FOCAD: variants seen among roughly 807,000 people sequenced by gnomAD.
The protein encoded by FOCAD is focadhesin, also known as KIAA1797.
Under a neutral mutation model 225.6 loss-of-function variants are expected in FOCAD, and 198 were observed. The observed-to-expected ratio is 0.88, with a 90% CI of 0.78 to 0.99. FOCAD has a LOEUF of 0.99. Among genes scored for constraint, FOCAD ranks in the 50% least tolerant of loss-of-function variants. The probability of loss-of-function intolerance (pLI) is 0.00; values close to 1 mark genes in which losing one functional copy is unlikely to be tolerated. For missense variants in FOCAD, 2,713 were observed against 2,123.6 expected (o/e 1.28, Z -5.46); for synonymous variants, 897 against 755.0 (o/e 1.19, Z -3.08).
intron 30 of FOCAD, among the ~76,000 whole-genome samples, chr9:20,947,442 TA>T (rs1458640394): frequency 6.6e-6 from 1 of 151,598 alleles, no homozygotes; most frequent in Non-Finnish European, 1.5e-5. Flanking sequence ...CTGCGTAGAG[TA>T]GTCAAAAGCA....
chr9:20,717,764 C>A (rs759704938), intron 2 of FOCAD, 30 bp from the exon 3 acceptor site: 2 of 1,540,400 alleles, frequency 1.3e-6, no homozygotes, highest in Non-Finnish European at 1.8e-6. Flanking sequence ...TTCTAAGGGA[C>A]TGTGTTCATT....
chr9:20,698,171 A>C (rs1218514623), intron 1 of FOCAD, among the ~76,000 whole-genome samples: 1 of 152,232 alleles, frequency 6.6e-6, no homozygotes, highest in Non-Finnish European at 1.5e-5. Context: ...TTTCTTTGTA[A>C]TTTAAAATAA....
At chr9:20,749,861 C>G (rs1828386384) in intron 5 of FOCAD, among the ~76,000 whole-genome samples, 1 of 151,828 alleles carries the variant, frequency 6.6e-6, no homozygotes, top group African/African-American at 2.4e-5. Flanking sequence ...TTTTTTAACC[C>G]CCTCATTTCT....
chr9:20,674,463 C>A (rs1180723697), intron 2 of FOCAD, among the ~76,000 whole-genome samples: 1 of 152,104 alleles, frequency 6.6e-6, no homozygotes, highest in African/African-American at 2.4e-5. Context: ...GTCAGCGCAC[C>A]ACTGGACAAT....
At chr9:20,724,911 G>A (rs890551507) in intron 4 of FOCAD, among the ~76,000 whole-genome samples, 9 of 152,166 alleles carry the variant, frequency 5.9e-5, no homozygotes, top group South Asian at 2.1e-4. Context: ...GCTCATGCCC[G>A]TAATCCCAGC....
chr9:20,907,337 A>AT, intron 22 of FOCAD, 95 bp downstream of exon 22: 1 of 953,492 alleles, frequency 1.0e-6, no homozygotes, highest in South Asian at 1.4e-5. Flanking sequence ...CACTTGGGAA[A>AT]ATAGCACTAC....
chr9:20,883,890 A>C (rs554193922), intron 20 of FOCAD, among the ~76,000 whole-genome samples: 36 of 152,218 alleles, frequency 2.4e-4, no homozygotes, highest in Non-Finnish European at 4.6e-4. Context: ...TTAAAGGATC[A>C]GGGAAGAAAT....
intron 15 of FOCAD, among the ~76,000 whole-genome samples, chr9:20,833,549 G>T (rs1040285165): frequency 1.3e-5 from 2 of 152,096 alleles, no homozygotes; most frequent in African/African-American, 4.8e-5. Context: ...GTGCTAAGTA[G>T]CAGTTAGAAG....
intron 11 of FOCAD, among the ~76,000 whole-genome samples, chr9:20,797,429 T>G (rs1587203704): frequency 6.6e-6 from 1 of 152,208 alleles, no homozygotes; most frequent in Admixed American, 6.5e-5. Context: ...TTTCACGATA[T>G]TGATTCTTCC....
At chr9:20,735,432 T>C (rs773974533) in intron 4 of FOCAD, among the ~76,000 whole-genome samples, 7 of 152,192 alleles carry the variant, frequency 4.6e-5, no homozygotes, top group Non-Finnish European at 8.8e-5. Flanking sequence ...AAGTTACTTG[T>C]AGTCTACATG....
At chr9:20,993,931 A>G (rs1036486035) in intron 43 of FOCAD, among the ~76,000 whole-genome samples, 4 of 152,242 alleles carry the variant, frequency 2.6e-5, no homozygotes, top group African/African-American at 9.6e-5. Flanking sequence ...AAAAAGCAGC[A>G]AAGAGAAATC....
At position 20,676,475 on chromosome 9, in the gene FOCAD, A is replaced by G. The variant is rs1437103534; in HGVS notation, c.-78+17649A>G. On this transcript the variant is annotated intron_variant, in intron 2 of 45. Coordinates refer to the FOCAD transcript ENST00000380249. The stretch of plus-strand genomic sequence containing the variant: ...ACTTCATCATGTTTCTCAATATAAA[A>G]TTACAAGGCAAACAGAGCATATGTC... 2.0e-5 allele frequency among the ~76,000 whole-genome samples: 3 copies of G among 152,188 alleles called. No individual in the cohort carries two copies. The East Asian group carries it at 5.8e-4, about 29-fold the overall frequency.
chr9:20,817,570 G>C (rs1823856786), intron 11 of FOCAD, among the ~76,000 whole-genome samples: 1 of 151,244 alleles, frequency 6.6e-6, no homozygotes, highest in Non-Finnish European at 1.5e-5. Flanking sequence ...ATTGTATTTT[G>C]TTTATTTATT....
chr9:20,822,571 C>G (rs1824443778), intron 14 of FOCAD, among the ~76,000 whole-genome samples: 1 of 151,984 alleles, frequency 6.6e-6, no homozygotes, highest in Non-Finnish European at 1.5e-5. Context: ...AGTATTGCTA[C>G]TACCACAAAT....
intron 5 of FOCAD, among the ~76,000 whole-genome samples, chr9:20,757,010 A>T (rs1306962079): frequency 1.3e-5 from 2 of 152,042 alleles, no homozygotes; most frequent in South Asian, 2.1e-4. Flanking sequence ...GTTCACCGCA[A>T]CCTCCGCCTC....
intron 20 of FOCAD, among the ~76,000 whole-genome samples, chr9:20,882,500 T>C (rs935675643): frequency 1.3e-5 from 2 of 152,130 alleles, no homozygotes; most frequent in African/African-American, 4.8e-5. Context: ...TTCTGATGCT[T>C]AGGAAACAAA....
intron 11 of FOCAD, among the ~76,000 whole-genome samples, chr9:20,793,767 T>G (rs1258650621): frequency 2.0e-5 from 3 of 152,198 alleles, no homozygotes; most frequent in Non-Finnish European, 2.9e-5. Context: ...TCTAGTGTTG[T>G]TGAAGGGCTG....
chr9:20,882,920 G>C (rs1398679645), intron 20 of FOCAD, among the ~76,000 whole-genome samples: 2 of 152,124 alleles, frequency 1.3e-5, no homozygotes, highest in East Asian at 3.9e-4. Flanking sequence ...AATTAGTGGG[G>C]GGTGTTGTGG....
intron 42 of FOCAD, among the ~76,000 whole-genome samples, chr9:20,991,449 CT>C (rs1432997247): frequency 3.9e-5 from 6 of 152,098 alleles, no homozygotes; most frequent in Admixed American, 1.3e-4. Context: ...ACTAAAATGC[CT>C]TTTATTTTTC....
Sources: gnomAD v4.1 joint callset for allele counts (sites outside exome capture counted in the v4.1 genomes callset) on GRCh38, gnomAD v4.1.1 for gene constraint, MANE v1.5 for transcripts, NCBI Gene and HGNC (gene_info 2026-07-23, HGNC 2026-07-21) for gene names.